RGS6: variants seen among roughly 807,000 people sequenced by gnomAD.
RGS6 encodes the protein regulator of G-protein signaling 6.
Under a neutral mutation model 78.5 loss-of-function variants are expected in RGS6, and 30 were observed. The ratio of observed to expected loss-of-function variants is 0.38; its 90% CI spans 0.29 to 0.52. The LOEUF is 0.52. Among genes scored for constraint, RGS6 ranks in the 20% least tolerant of loss-of-function variants. The probability of loss-of-function intolerance (pLI) is 0.85; values close to 1 mark genes in which losing one functional copy is unlikely to be tolerated. For synonymous variants in RGS6, 206 were observed against 206.0 expected, an observed-to-expected ratio of 1.00 and a Z score of 0.00; for missense variants, 495 against 609.7, an observed-to-expected ratio of 0.81 and a Z score of 1.98.
At chr14:72,452,437 G>C (rs1283809235) in intron 3 of RGS6, among the ~76,000 whole-genome samples, 1 of 152,156 alleles carries the variant, frequency 6.6e-6, no homozygotes, top group Non-Finnish European at 1.5e-5. Flanking sequence ...ATGGCCCTGG[G>C]GGTCCCACTG....
At chr14:72,441,944 C>T (rs1235889994) in intron 3 of RGS6, among the ~76,000 whole-genome samples, 1 of 152,198 alleles carries the variant, frequency 6.6e-6, no homozygotes, top group Non-Finnish European at 1.5e-5. Flanking sequence ...CTACCCGAGG[C>T]AGCCTGCAGG....
chr14:72,565,004 C>A lies in RGS6; in HGVS notation c.*2537C>A, dbSNP rs150872066. 1 of 152,392 alleles carries A rather than the reference C, an allele frequency of 6.6e-6. No homozygotes were observed. The highest frequency in any genetic ancestry group is 2.4e-5 in the African/African-American group (1 of 41,576). 9.4% of individuals were successfully genotyped at this position (152,392 alleles called of 1,614,324 possible). A position where few individuals can be genotyped will look rare whatever the true frequency, so the allele number is the denominator to read the frequency against. On this transcript the variant is annotated 3_prime_UTR_variant, in exon 18 of 18. Coordinates refer to ENST00000553525, the MANE Select transcript of RGS6 (RefSeq NM_001204424.2). Reference sequence around the variant, plus strand: ...GGCTGCCTATCCAAGGTCCATCTACCACGCAGAACTTGGTCATGCAAGTAC... The same window carrying A: ...GGCTGCCTATCCAAGGTCCATCTACAACGCAGAACTTGGTCATGCAAGTAC...
chr14:72,320,745 A>AG (rs1294749086), intron 2 of RGS6, among the ~76,000 whole-genome samples: 1 of 151,460 alleles, frequency 6.6e-6, no homozygotes, highest in Non-Finnish European at 1.5e-5. Flanking sequence ...GAAAAAAAAA[A>AG]CTAAGCTCTG....
intron 17 of RGS6, chr14:72,547,265 G>A (rs2097420737): frequency 2.0e-6 from 3 of 1,535,696 alleles, no homozygotes; most frequent in South Asian, 1.2e-5. Context: ...CACTGCCAAT[G>A]TCACGGTCAA....
chr14:72,196,166 C>T (rs937313687), intron 2 of RGS6, among the ~76,000 whole-genome samples: 2 of 152,048 alleles, frequency 1.3e-5, no homozygotes, highest in Non-Finnish European at 2.9e-5. Context: ...GGACATACAG[C>T]CTCTGGTACG....
intron 2 of RGS6, among the ~76,000 whole-genome samples, chr14:72,006,245 A>G (rs2084527217): frequency 6.6e-6 from 1 of 152,112 alleles, no homozygotes; most frequent in African/African-American, 2.4e-5. Flanking sequence ...TATGCCTCTT[A>G]TTAAATCTTA....
intron 17 of RGS6, among the ~76,000 whole-genome samples, chr14:72,557,129 G>T (rs575298930): frequency 6.6e-6 from 1 of 152,192 alleles, no homozygotes; most frequent in Non-Finnish European, 1.5e-5. Context: ...TGTTGTGGAG[G>T]AACCATAACG....
the RGS6 span, among the ~76,000 whole-genome samples, chr14:71,916,732 A>G: frequency 6.6e-6 from 1 of 152,144 alleles, no homozygotes; most frequent in Non-Finnish European, 1.5e-5. Context: ...CCATGAAGGT[A>G]CCTGGTGGCT....
chr14:72,111,275 G>T (rs774667801), intron 2 of RGS6, among the ~76,000 whole-genome samples: 1 of 152,088 alleles, frequency 6.6e-6, no homozygotes, highest in Non-Finnish European at 1.5e-5. Context: ...TGGAAAAAAG[G>T]CACTAAAGTG....
chr14:72,023,465 C>T (rs569701274), intron 2 of RGS6, among the ~76,000 whole-genome samples: 4 of 152,148 alleles, frequency 2.6e-5, no homozygotes, highest in Non-Finnish European at 5.9e-5. Flanking sequence ...TTCACTAGAA[C>T]ATTCCCCAGG....
At chr14:72,319,588 G>A (rs1042553459) in intron 2 of RGS6, among the ~76,000 whole-genome samples, 6 of 151,984 alleles carry the variant, frequency 3.9e-5, no homozygotes, top group Admixed American at 3.9e-4. Flanking sequence ...TGATCTGCCT[G>A]CCTCAGCCTC....
chr14:71,881,576 A>G, the RGS6 span, among the ~76,000 whole-genome samples: 351 of 152,280 alleles, frequency 2.3e-3, 2 homozygotes, highest in African/African-American at 8.2e-3. Flanking sequence ...CCATTCCCTC[A>G]GTTCTCATTC....
At chr14:72,099,272 G>T (rs528378973) in intron 2 of RGS6, among the ~76,000 whole-genome samples, 2 of 152,170 alleles carry the variant, frequency 1.3e-5, no homozygotes, top group African/African-American at 4.8e-5. Flanking sequence ...CCATTCTCCT[G>T]CCTCAGCCTC....
intron 17 of RGS6, chr14:72,547,336 G>A (rs1198230542): frequency 3.3e-6 from 5 of 1,535,400 alleles, no homozygotes; most frequent in East Asian, 4.9e-5. Flanking sequence ...AAGTCAGAGA[G>A]CTTCAAGTCT....
chr14:72,362,473 T>G (rs1321871908), intron 3 of RGS6, among the ~76,000 whole-genome samples: 1 of 152,226 alleles, frequency 6.6e-6, no homozygotes, highest in Non-Finnish European at 1.5e-5. Flanking sequence ...CATGAGGCCA[T>G]AGTCATCTGA....
At chr14:72,609,493 G>A in the RGS6 span, among the ~76,000 whole-genome samples, 1 of 152,192 alleles carries the variant, frequency 6.6e-6, no homozygotes, top group African/African-American at 2.4e-5. Flanking sequence ...GGCAGAAGAT[G>A]TGGCACAGCC....
At chr14:72,572,989 G>A in the RGS6 span, among the ~76,000 whole-genome samples, 45 of 152,232 alleles carry the variant, frequency 3.0e-4, no homozygotes, top group African/African-American at 9.4e-4. Context: ...ATCCAAGCCT[G>A]TTTTTCGAAG....
intron 13 of RGS6, among the ~76,000 whole-genome samples, chr14:72,502,313 A>G (rs145590878): frequency 8.0e-4 from 122 of 152,298 alleles, no homozygotes; most frequent in African/African-American, 2.7e-3. Context: ...AGCCCAGTCA[A>G]ATCTCCAAAT....
chr14:72,034,347 A>G lies in RGS6; in HGVS notation c.84+69472A>G, dbSNP rs577694011. On this transcript the variant is annotated intron_variant, in intron 2 of 17. Transcript: ENST00000553525. ...TGTTATCTTGAGGTAATTTCTTTCT[A>G]TTAATGAAATTTTTTGTGTGTTTTT... Among the ~76,000 whole-genome samples, 12 of 148,948 alleles carry G rather than the reference A, an allele frequency of 8.1e-5. No individual in the cohort carries two copies. The East Asian group carries it at 2.3e-3, about 29-fold the overall frequency.
Sources: allele counts gnomAD v4.1 joint callset (sites outside exome capture counted in the v4.1 genomes callset), GRCh38; gene constraint gnomAD v4.1.1; transcripts MANE v1.5; gene names NCBI Gene and HGNC (gene_info 2026-07-23, HGNC 2026-07-21).